Variants in CLYBL observed in about 807,000 individuals in gnomAD.
CLYBL encodes the protein citramalyl-CoA lyase.
In CLYBL, 31 loss-of-function variants were observed where a neutral mutation model predicts 38.9. The observed-to-expected ratio is 0.80, with a 90% CI of 0.60 to 1.08. The LOEUF (loss-of-function observed/expected upper bound fraction) is 1.08, where lower values mean the gene tolerates loss of function less well. Among genes scored for constraint, CLYBL ranks in the 50% least tolerant of loss-of-function variants. The pLI is 0.00. For synonymous variants in CLYBL, 171 were observed against 158.6 expected (o/e 1.08, Z -0.59); for missense variants, 434 against 411.6 (o/e 1.05, Z -0.47).
At chr13:99,772,662 A>G (rs923194421) in intron 1 of CLYBL, among the ~76,000 whole-genome samples, 162 bp from the exon 2 acceptor site, 5 of 152,226 alleles carry the variant, frequency 3.3e-5, no homozygotes, top group Admixed American at 2.0e-4. Context: ...ACACCACTGC[A>G]CTTCAAACTG....
intron 2 of CLYBL, among the ~76,000 whole-genome samples, chr13:99,856,190 A>C (rs1270291721): frequency 6.6e-6 from 1 of 152,226 alleles, no homozygotes; most frequent in Non-Finnish European, 1.5e-5. Flanking sequence ...GATAAAAATC[A>C]AACAGGTTTA....
intron 1 of CLYBL, among the ~76,000 whole-genome samples, chr13:99,641,090 C>T (rs1275813464): frequency 1.3e-5 from 2 of 152,174 alleles, no homozygotes; most frequent in African/African-American, 2.4e-5. Context: ...TTCTATTGAG[C>T]GTTCTCTGAA....
At chr13:99,679,309 G>GAA (rs764387477) in intron 1 of CLYBL, among the ~76,000 whole-genome samples, 1 of 145,750 alleles carries the variant, frequency 6.9e-6, no homozygotes, top group Non-Finnish European at 1.5e-5. Context: ...AAAAAAAAAA[G>GAA]AAAAGAAAAA....
At chr13:99,879,054 C>T (rs1042364872) in intron 7 of CLYBL, among the ~76,000 whole-genome samples, 1 of 152,184 alleles carries the variant, frequency 6.6e-6, no homozygotes, top group African/African-American at 2.4e-5. Context: ...CACACACATG[C>T]ACCTCAGCTC....
chr13:99,875,505 C>A (rs1222439953), intron 7 of CLYBL, among the ~76,000 whole-genome samples: 1 of 152,154 alleles, frequency 6.6e-6, no homozygotes, highest in Non-Finnish European at 1.5e-5. Flanking sequence ...CAAGGCTTTA[C>A]AAAAGAAATA....
intron 2 of CLYBL, among the ~76,000 whole-genome samples, chr13:99,800,920 A>C (rs978104892): frequency 1.4e-5 from 2 of 144,516 alleles, no homozygotes; most frequent in Admixed American, 1.4e-4. Context: ...AAAAAAAAAA[A>C]CGTAATTGGG....
chr13:99,857,186 G>T (rs1335651016), intron 2 of CLYBL, among the ~76,000 whole-genome samples: 1 of 151,822 alleles, frequency 6.6e-6, no homozygotes, highest in Non-Finnish European at 1.5e-5. Context: ...GTGGTGGCGG[G>T]TGCCTGTAGT....
At chr13:99,671,456 G>A (rs1472950709) in intron 1 of CLYBL, among the ~76,000 whole-genome samples, 1 of 152,066 alleles carries the variant, frequency 6.6e-6, no homozygotes, top group East Asian at 1.9e-4. Flanking sequence ...GAAGGCAAGG[G>A]AGAGACTGAA....
Position 99,648,951 on chromosome 13 carries a change from A to G in CLYBL, c.62+42194A>G, listed in dbSNP as rs1238566619. On this transcript the variant is annotated intron_variant, in intron 1 of 8. Transcript: ENST00000339105. ...CATTCATACATTTAACCCATCCCCA[A>G]AATTTTCTTAAAAAACTTAATAATT... is the stretch of plus-strand genomic sequence containing the variant. Among the ~76,000 whole-genome samples the G allele has an allele frequency of 7.5e-3, 1,137 of 152,066 alleles. 14 individuals carry two copies. Among genetic ancestry groups the G allele is most frequent in the African/African-American group, 0.026 (1,068 of 41,488 alleles).
At chr13:99,824,384 G>C (rs1226697413) in intron 2 of CLYBL, among the ~76,000 whole-genome samples, 1 of 151,342 alleles carries the variant, frequency 6.6e-6, no homozygotes, top group Non-Finnish European at 1.5e-5. Flanking sequence ...AATGGTTATG[G>C]TCACTTGTTA....
chr13:99,782,448 C>T (rs768903641), intron 2 of CLYBL, among the ~76,000 whole-genome samples: 3 of 151,884 alleles, frequency 2.0e-5, no homozygotes, highest in Non-Finnish European at 2.9e-5. Context: ...GAGGTTGCTG[C>T]GAGCCAAGAT....
intron 1 of CLYBL, among the ~76,000 whole-genome samples, chr13:99,768,949 G>A (rs2049327561): frequency 6.6e-6 from 1 of 152,146 alleles, no homozygotes; most frequent in African/African-American, 2.4e-5. Context: ...AATTAATGGG[G>A]GAGGTGCTGG....
At chr13:99,643,485 T>C (rs1348560121) in intron 1 of CLYBL, among the ~76,000 whole-genome samples, 1 of 152,222 alleles carries the variant, frequency 6.6e-6, no homozygotes, top group Non-Finnish European at 1.5e-5. Context: ...AAGGGGCATA[T>C]GCATTTCTGA....
At chr13:99,721,401 T>C (rs888364542) in intron 1 of CLYBL, among the ~76,000 whole-genome samples, 1 of 151,924 alleles carries the variant, frequency 6.6e-6, no homozygotes, top group Non-Finnish European at 1.5e-5. Context: ...AGTGACTCTG[T>C]TTTTTTCCTT....
intron 2 of CLYBL, among the ~76,000 whole-genome samples, chr13:99,791,976 T>G (rs1238474826): frequency 6.6e-6 from 1 of 152,158 alleles, no homozygotes; most frequent in South Asian, 2.1e-4. Flanking sequence ...AAGAAAAGAC[T>G]CTAATGCCAG....
At position 99,820,747 on chromosome 13, in the gene CLYBL, C is replaced by T. The variant is rs548103048; in HGVS notation, c.250-38114C>T. 2.6e-5 allele frequency among the ~76,000 whole-genome samples: 4 copies of T among 152,284 alleles called. No individual in the cohort carries two copies. The East Asian group carries it at 7.7e-4, about 29-fold the overall frequency. On this transcript the variant is annotated intron_variant, in intron 2 of 8. Coordinates refer to ENST00000339105, the MANE Select transcript of CLYBL (RefSeq NM_206808.5). ...TGTGCTGGGAAAAACATTTAGGTTT[C>T]GTGTGAACTCAGATTAGAGGAGCGG...
intron 1 of CLYBL, among the ~76,000 whole-genome samples, chr13:99,638,029 T>C (rs541692426): frequency 2.3e-4 from 31 of 137,628 alleles, no homozygotes; most frequent in Non-Finnish European, 4.4e-4. Context: ...AATGGCACAA[T>C]CGCGGTTCAC....
rs192057388 is a variant in CLYBL at position 99,738,348 on chromosome 13, G to A, written c.63-34476G>A. Among the ~76,000 whole-genome samples, 31 of 152,326 alleles carry A rather than the reference G, an allele frequency of 2.0e-4. No homozygotes were observed. In the East Asian group the frequency reaches 5.4e-3, roughly 27 times the overall value. ...GTTTAGCTGTCATCTCGAGTAAGCTGTATTTCAGCCTGTAGGGGACAGATG... is the reference window on the plus strand; with the variant it reads ...GTTTAGCTGTCATCTCGAGTAAGCTATATTTCAGCCTGTAGGGGACAGATG... On this transcript the variant is annotated intron_variant, in intron 1 of 8. Coordinates refer to ENST00000339105, the MANE Select transcript of CLYBL (RefSeq NM_206808.5).
At chr13:99,735,256 T>C (rs2048649133) in intron 1 of CLYBL, among the ~76,000 whole-genome samples, 1 of 152,216 alleles carries the variant, frequency 6.6e-6, no homozygotes, top group Non-Finnish European at 1.5e-5. Flanking sequence ...TGCAGTGGTG[T>C]GATCATAGCT....
Sources: gnomAD v4.1 joint callset for allele counts (sites outside exome capture counted in the v4.1 genomes callset) on GRCh38, gnomAD v4.1.1 for gene constraint, MANE v1.5 for transcripts, NCBI Gene and HGNC (gene_info 2026-07-23, HGNC 2026-07-21) for gene names.